ANO4: variants seen among roughly 807,000 people sequenced by gnomAD.
ANO4 encodes anoctamin 4, also known as anoctamin-4.
In ANO4, 69 loss-of-function variants were observed where a neutral mutation model predicts 141.9. The observed-to-expected ratio is 0.49, with a 90% CI of 0.40 to 0.59. ANO4 has a LOEUF of 0.59. ANO4 is among the 20% of genes least tolerant of loss of function. ANO4 has a pLI of 0.00. For synonymous variants in ANO4, 350 were observed against 394.3 expected (o/e 0.89, Z 1.33); for missense variants, 894 against 1,162.2 (o/e 0.77, Z 3.36).
intron 5 of ANO4, 123 bp from the exon 6 acceptor site, chr12:100,971,183 A>G (rs2043918594): frequency 1.7e-6 from 1 of 581,134 alleles, no homozygotes; most frequent in Non-Finnish European, 3.0e-6. Flanking sequence ...GGTCTGGCCT[A>G]TTGGTGAGGA....
At chr12:100,943,318 G>T (rs749614082) in intron 5 of ANO4, among the ~76,000 whole-genome samples, 1 of 152,126 alleles carries the variant, frequency 6.6e-6, no homozygotes, top group Non-Finnish European at 1.5e-5. Context: ...ACAACACATT[G>T]GTAATTTAAG....
At chr12:100,751,467 T>A (rs2032374904) in intron 3 of ANO4, among the ~76,000 whole-genome samples, 1 of 152,156 alleles carries the variant, frequency 6.6e-6, no homozygotes, top group South Asian at 2.1e-4. Context: ...CACCCTCTGG[T>A]CACTATTCCT....
chr12:100,868,209 G>A lies in ANO4; in HGVS notation c.-140-33437G>A, dbSNP rs75803076. ...ATGCTATGTGGGAGGCTTGAAGGGC[G>A]AGTCACAGCATGCACCTGAGGCAGC... On this transcript the variant is annotated intron_variant, in intron 1 of 27. Transcript: ENST00000392977. 9.8e-4 allele frequency among the ~76,000 whole-genome samples: 149 copies of A among 152,264 alleles called. 2 individuals are homozygous for A. In the East Asian group the frequency reaches 0.022, roughly 23 times the overall value.
Position 100,922,209 on chromosome 12 carries a change from A to T in ANO4, c.56-17A>T, listed in dbSNP as rs761219966. 6.6e-7 allele frequency: 1 copy of T among 1,516,450 alleles called. No homozygotes were observed. The highest frequency in any genetic ancestry group is 8.8e-7 in the Non-Finnish European group (1 of 1,136,168). The allele number at this position is 1,516,450 out of a possible 1,614,324, so 93.9% of individuals were successfully genotyped here. On this transcript the variant is annotated splice_polypyrimidine_tract_variant and intron_variant, in intron 2 of 27. Transcript: ENST00000392977. The stretch of plus-strand genomic sequence containing the variant: ...GATAACCAGTGCAAACTCCATGAAT[A>T]TCTTTCATTTCTCTAGAAGGAGGTG...
chr12:101,080,883 TTATA>T (rs1463149041), intron 15 of ANO4, among the ~76,000 whole-genome samples: 2 of 74,072 alleles, frequency 2.7e-5, no homozygotes, highest in African/African-American at 7.8e-5. Flanking sequence ...TATATATATA[TTATA>T]TATATATATA....
chr12:100,729,440 A>G (rs564451451), intron 1 of ANO4, among the ~76,000 whole-genome samples: 2 of 151,146 alleles, frequency 1.3e-5, no homozygotes, highest in Admixed American at 6.6e-5. Flanking sequence ...TTATATAAAT[A>G]CTTTCTCATG....
rs1466779216 is a variant in ANO4 at position 100,888,804 on chromosome 12, C to T, written c.-140-12842C>T. Among the ~76,000 whole-genome samples, 6 of 151,850 alleles carry T rather than the reference C, an allele frequency of 4.0e-5. No individual in the cohort carries two copies. The East Asian group carries it at 1.2e-3, about 29-fold the overall frequency. ...CGAGGCCCAGACTGGGGGAAATGAA[C>T]ACCTTGGAAATTCATCCCTTTCAGC... On this transcript the variant is annotated intron_variant, in intron 1 of 27. Transcript: ENST00000392977.
At chr12:100,796,661 A>G (rs532766869) in intron 1 of ANO4, among the ~76,000 whole-genome samples, 1 of 152,086 alleles carries the variant, frequency 6.6e-6, no homozygotes, top group African/African-American at 2.4e-5. Flanking sequence ...TTTTTAAAAT[A>G]TTATCAGCAT....
chr12:100,817,382 T>C (rs1396331815), intron 1 of ANO4, among the ~76,000 whole-genome samples: 1 of 151,722 alleles, frequency 6.6e-6, no homozygotes, highest in Non-Finnish European at 1.5e-5. Flanking sequence ...CCTAGTTAGG[T>C]CTTCTTGGGT....
chr12:101,058,456 A>G (rs2048217671), intron 14 of ANO4, among the ~76,000 whole-genome samples: 1 of 152,214 alleles, frequency 6.6e-6, no homozygotes, highest in Non-Finnish European at 1.5e-5. Flanking sequence ...TTGGGGAAGT[A>G]TGGCCATTTT....
chr12:100,951,271 G>A (rs987064426), intron 5 of ANO4, among the ~76,000 whole-genome samples: 1 of 152,194 alleles, frequency 6.6e-6, no homozygotes, highest in African/African-American at 2.4e-5. Context: ...GGAAAGCAGT[G>A]TGGAGATTCT....
intron 1 of ANO4, among the ~76,000 whole-genome samples, chr12:100,893,648 A>T (rs1235790950): frequency 6.6e-6 from 1 of 152,156 alleles, no homozygotes; most frequent in South Asian, 2.1e-4. Context: ...GCAAGTCATG[A>T]TGGCCAAGTC....
chr12:100,932,866 G>A (rs557077574), intron 3 of ANO4, among the ~76,000 whole-genome samples: 188 of 152,230 alleles, frequency 1.2e-3, no homozygotes, highest in South Asian at 0.011. Context: ...TCGTTGTTCA[G>A]TTATAATATG....
intron 13 of ANO4, 52 bp downstream of exon 13, chr12:101,043,687 CTGAGGGATGGTGGGTAA>C: frequency 7.5e-7 from 1 of 1,335,558 alleles, no homozygotes; most frequent in African/African-American, 1.4e-5. Context: ...ATACACCTTC[CTGAGGGATGGTGGGTAA>C]CTCTATTCTG....
intron 1 of ANO4, among the ~76,000 whole-genome samples, chr12:100,883,219 T>G (rs2039657861): frequency 6.6e-6 from 1 of 152,244 alleles, no homozygotes; most frequent in African/African-American, 2.4e-5. Context: ...TTTACTTCAG[T>G]AGCTCCAATT....
chr12:100,849,623 T>C (rs1159490104), intron 1 of ANO4, among the ~76,000 whole-genome samples: 4 of 152,228 alleles, frequency 2.6e-5, no homozygotes, highest in Admixed American at 2.0e-4. Context: ...ATGGATATAT[T>C]CCAATTCATT....
At chr12:100,837,365 C>A (rs1274766075) in intron 1 of ANO4, among the ~76,000 whole-genome samples, 1 of 152,150 alleles carries the variant, frequency 6.6e-6, no homozygotes, top group African/African-American at 2.4e-5. Flanking sequence ...TCCAAGGTCA[C>A]ACGGCTAATA....
intron 1 of ANO4, chr12:100,733,705 A>G (rs541270824): frequency 3.0e-6 from 2 of 657,990 alleles, no homozygotes; most frequent in Non-Finnish European, 5.5e-6. Flanking sequence ...CACCAGTCAT[A>G]TATTTACATT....
chr12:101,021,313 G>A (rs183317127), intron 9 of ANO4, among the ~76,000 whole-genome samples: 1 of 152,294 alleles, frequency 6.6e-6, no homozygotes, highest in East Asian at 1.9e-4. Flanking sequence ...TGTGTTTCCA[G>A]CCACCACGCA....
Sources: gnomAD v4.1 joint callset for allele counts (sites outside exome capture counted in the v4.1 genomes callset) on GRCh38, gnomAD v4.1.1 for gene constraint, MANE v1.5 for transcripts, NCBI Gene and HGNC (gene_info 2026-07-23, HGNC 2026-07-21) for gene names.